VAV3: variants seen among roughly 807,000 people sequenced by gnomAD.
The protein encoded by VAV3 is guanine nucleotide exchange factor VAV3.
A neutral mutation model predicts 131.2 loss-of-function variants in VAV3; 94 were observed. The observed-to-expected ratio is 0.72, with a 90% CI of 0.61 to 0.85. The LOEUF (loss-of-function observed/expected upper bound fraction) is 0.85, where lower values mean the gene tolerates loss of function less well. VAV3 is among the 40% of genes least tolerant of loss of function. VAV3 has a pLI of 0.00. For synonymous variants in VAV3, 349 were observed against 342.0 expected (o/e 1.02, Z -0.22); for missense variants, 939 against 1,002.7 (o/e 0.94, Z 0.86).
chr1:107,875,815 C>G (rs1261996460), intron 1 of VAV3, among the ~76,000 whole-genome samples: 2 of 152,100 alleles, frequency 1.3e-5, no homozygotes, highest in African/African-American at 4.8e-5. Context: ...TTGCAATAAC[C>G]CAGGTGAGAG....
chr1:107,834,566 C>T (rs181025645), intron 2 of VAV3, among the ~76,000 whole-genome samples: 3 of 151,830 alleles, frequency 2.0e-5, no homozygotes, highest in Non-Finnish European at 4.4e-5. Flanking sequence ...GTCATCATGA[C>T]AGACCACATT....
chr1:107,760,792 G>A lies in VAV3; in HGVS notation c.1009C>T (p.Leu337Phe). 1.2e-6 allele frequency: 2 copies of A among 1,610,904 alleles called. No homozygotes were observed. The highest frequency in any genetic ancestry group is 1.7e-6 in the Non-Finnish European group (2 of 1,177,466). The change falls in exon 10 of 27, where the codon CTC becomes TTC. Residue 337 changes from leucine (L) to phenylalanine (F), a missense_variant. Physicochemically the swap from Leu to Phe is conservative, Grantham distance 22. Transcript: ENST00000370056. ...PMQRVLKYHL[L>F]LQELVKHTTD... ...TGTTTTAAGTTACATACCTGGAGGA[G>A]AAGGTGGTACTTTAAAACACGTTGC...
At chr1:107,723,883 G>A (rs996491801) in intron 15 of VAV3, among the ~76,000 whole-genome samples, 3 of 152,036 alleles carry the variant, frequency 2.0e-5, no homozygotes, top group Non-Finnish European at 4.4e-5. Flanking sequence ...AAAGTGTCCT[G>A]TACTATATCT....
chr1:107,574,188 T>G lies in VAV3; in HGVS notation c.2361A>C (p.Pro787=), dbSNP rs759722120. ...GAGCGATGGCAATGCCCAGCACTTT[T>G]GGACTTAACACTGTCAAGAAATGAC... The part of the protein sequence containing the change: ...GNRAGNSLLS[P]KVLGIAIARY... Residue 787 remains proline, a synonymous_variant, in exon 26 of 27, where the codon CCA becomes CCC. Transcript: ENST00000370056. 2.1e-5 allele frequency: 34 copies of G among 1,613,440 alleles called. 1 individual carries two copies. The South Asian group carries it at 3.4e-4, about 16-fold the overall frequency.
intron 1 of VAV3, among the ~76,000 whole-genome samples, chr1:107,926,855 G>A (rs1349847207): frequency 2.0e-5 from 3 of 152,128 alleles, no homozygotes; most frequent in Non-Finnish European, 2.9e-5. Flanking sequence ...ACATAAACTT[G>A]AAAGGCAGTC....
At chr1:107,684,108 A>G (rs941931760) in intron 18 of VAV3, among the ~76,000 whole-genome samples, 1 of 152,258 alleles carries the variant, frequency 6.6e-6, no homozygotes, top group African/African-American at 2.4e-5. Flanking sequence ...AATCATAAAA[A>G]TGAATTCTTA....
chr1:107,635,133 G>T (rs181339287), intron 20 of VAV3, among the ~76,000 whole-genome samples: 101 of 152,130 alleles, frequency 6.6e-4, no homozygotes, highest in South Asian at 2.9e-3. Context: ...TATACCCAAA[G>T]AATTATAAAT....
At chr1:107,873,846 C>T (rs377745482) in intron 2 of VAV3, among the ~76,000 whole-genome samples, 13 of 152,182 alleles carry the variant, frequency 8.5e-5, no homozygotes, top group East Asian at 7.7e-4. Context: ...GGGTTAAGAC[C>T]GGAGAGAGAA....
chr1:107,888,004 T>TA (rs1553226212), intron 1 of VAV3, among the ~76,000 whole-genome samples: 2 of 147,862 alleles, frequency 1.4e-5, no homozygotes, highest in African/African-American at 2.5e-5. Context: ...TCCAAAAATT[T>TA]GGGGGGGGGG....
At chr1:107,700,309 A>G (rs1366892113) in intron 17 of VAV3, among the ~76,000 whole-genome samples, 2 of 152,138 alleles carry the variant, frequency 1.3e-5, no homozygotes, top group Non-Finnish European at 2.9e-5. Flanking sequence ...ATTTCATTTT[A>G]TTTTAAGTTC....
chr1:107,831,679 A>G (rs1309662216), intron 2 of VAV3, among the ~76,000 whole-genome samples: 1 of 152,196 alleles, frequency 6.6e-6, no homozygotes, highest in Non-Finnish European at 1.5e-5. Flanking sequence ...TTTATCCACA[A>G]TGAGAATGTA....
At chr1:107,789,359 G>T (rs1160713082) in intron 2 of VAV3, among the ~76,000 whole-genome samples, 3 of 152,196 alleles carry the variant, frequency 2.0e-5, no homozygotes, top group Non-Finnish European at 4.4e-5. Context: ...CAGAACGATA[G>T]GATCTCGTCG....
intron 2 of VAV3, among the ~76,000 whole-genome samples, chr1:107,815,482 T>C (rs1667525452): frequency 6.6e-6 from 1 of 152,196 alleles, no homozygotes; most frequent in South Asian, 2.1e-4. Context: ...TTACGCACTG[T>C]TCCAGGCTGC....
Position 107,799,939 on chromosome 1 carries a change from T to G in VAV3, c.322-20447A>C, listed in dbSNP as rs1666746064. On this transcript the variant is annotated intron_variant, in intron 2 of 26. Transcript: ENST00000370056. ...CAGCTCCCACATATGAGTGAGAACA[T>G]GTAATATTTGATTTTCTGTGCTTGG... is the stretch of plus-strand genomic sequence containing the variant. Among the ~76,000 whole-genome samples the G allele has an allele frequency of 2.0e-5, 3 of 152,144 alleles. No homozygotes were observed. In the South Asian group the frequency reaches 6.2e-4, roughly 31 times the overall value.
intron 2 of VAV3, among the ~76,000 whole-genome samples, chr1:107,797,009 A>G (rs1319763061): frequency 6.6e-6 from 1 of 152,106 alleles, no homozygotes; most frequent in Non-Finnish European, 1.5e-5. Context: ...TATAATAACT[A>G]TATGACTTCA....
chr1:107,952,176 G>A (rs917935290), intron 1 of VAV3, among the ~76,000 whole-genome samples: 2 of 151,988 alleles, frequency 1.3e-5, no homozygotes, highest in Non-Finnish European at 2.9e-5. Flanking sequence ...GGATAGCGCT[G>A]GAGGCCATTA....
At chr1:107,851,878 C>A (rs770702555) in intron 2 of VAV3, among the ~76,000 whole-genome samples, 16 of 152,134 alleles carry the variant, frequency 1.1e-4, no homozygotes, top group African/African-American at 3.9e-4. Context: ...TGCTATTTTA[C>A]GAGTTTGCTG....
chr1:107,602,560 C>A, intron 23 of VAV3, 76 bp from the exon 24 acceptor site: 1 of 1,147,634 alleles, frequency 8.7e-7, no homozygotes, highest in Non-Finnish European at 1.2e-6. Flanking sequence ...GAGGGCATGC[C>A]CCAATAACAT....
chr1:107,929,764 A>G lies in VAV3; in HGVS notation c.204+34902T>C, dbSNP rs560442243. Among the ~76,000 whole-genome samples the G allele has an allele frequency of 5.9e-5, 9 of 152,324 alleles. 1 individual carries two copies. The South Asian group carries it at 1.9e-3, about 32-fold the overall frequency. On this transcript the variant is annotated intron_variant, in intron 1 of 26. Coordinates refer to ENST00000370056, the MANE Select transcript of VAV3 (RefSeq NM_006113.5). The stretch of plus-strand genomic sequence containing the variant: ...GTGCAAACAGTTTTGTTATCAGCTT[A>G]AAGTAGATTTGGAAGCAACCTACGT...
Sources: gnomAD v4.1 joint callset for allele counts (sites outside exome capture counted in the v4.1 genomes callset) on GRCh38, gnomAD v4.1.1 for gene constraint, MANE v1.5 for transcripts, NCBI Gene and HGNC (gene_info 2026-07-23, HGNC 2026-07-21) for gene names.